Variants in LATS1 observed in about 807,000 individuals in gnomAD.
The protein encoded by LATS1 is serine/threonine-protein kinase LATS1.
LATS1 carries 25 observed loss-of-function variants against 106.6 expected under a neutral mutation model. That is an observed-to-expected ratio of 0.23 (90% CI 0.17 to 0.33). The LOEUF (loss-of-function observed/expected upper bound fraction) is 0.33. Among genes scored for constraint, LATS1 ranks in the 10% least tolerant of loss-of-function variants. LATS1 has a pLI of 1.00. For missense variants in LATS1, 1,040 were observed against 1,382.6 expected, an observed-to-expected ratio of 0.75 and a Z score of 3.93; for synonymous variants, 465 against 455.6, an observed-to-expected ratio of 1.02 and a Z score of -0.26.
intron 1 of LATS1, among the ~76,000 whole-genome samples, chr6:149,713,826 A>G (rs1784239335): frequency 6.6e-6 from 1 of 151,370 alleles, no homozygotes; most frequent in African/African-American, 2.4e-5. Flanking sequence ...TGTGTGGCTA[A>G]TTTTTGTATT....
rs780721648 is a variant in LATS1, at chr6:149,683,939, G to T, written c.1150C>A (p.Gln384Lys). Reference sequence around the variant, plus strand: ...CCTGTTTGTAAAGCAGAAGGGCTTTGTCCATTAGCTGCTGTCAGAGGATAT... The same window carrying T: ...CCTGTTTGTAAAGCAGAAGGGCTTTTTCCATTAGCTGCTGTCAGAGGATAT... ...PPYPLTAANG[Q>K]SPSALQTGGS... Residue 384 changes from glutamine to lysine, a missense_variant, in exon 4 of 8, where the codon CAA becomes AAA. Gln to Lys is a moderately conservative substitution (Grantham distance 53). This residue lies in a region of LATS1 where 624 missense variants were observed against 714.8 expected (regional missense o/e 0.87). Transcript: ENST00000543571. The T allele has an allele frequency of 1.9e-6, 3 of 1,614,068 alleles. No individual in the cohort carries two copies. The Admixed American group carries it at 5.0e-5, about 27-fold the overall frequency.
chr6:149,702,790 G>A (rs561798272), intron 1 of LATS1, among the ~76,000 whole-genome samples: 3 of 152,194 alleles, frequency 2.0e-5, no homozygotes, highest in African/African-American at 7.2e-5. Context: ...TCCTGCCTCA[G>A]CCTCCCCAAT....
Position 149,680,269 on chromosome 6 carries a change from T to C in LATS1, c.2199A>G (p.Thr733=), listed in dbSNP as rs760650043. 9 of 1,613,866 alleles carry C rather than the reference T, an allele frequency of 5.6e-6. No homozygotes were observed. In the Admixed American group the frequency reaches 6.7e-5, roughly 12 times the overall value. ...GAACATCTTTCTTTCGAAGAGTTTT[T>C]GTTGCATACAAAGCCTTAGTATCTA... ...RKVDTKALYA[T]KTLRKKDVLL... Residue 733 remains threonine (T), a synonymous_variant, in exon 5 of 8, where the codon ACA becomes ACG. Transcript: ENST00000543571.
At chr6:149,673,803 T>G (rs1781566536) in intron 7 of LATS1, among the ~76,000 whole-genome samples, 1 of 150,844 alleles carries the variant, frequency 6.6e-6, no homozygotes, top group South Asian at 2.1e-4. Context: ...GGCCTCCATA[T>G]AGCTGGGACT....
chr6:149,693,230 T>C (rs572657069), intron 3 of LATS1, among the ~76,000 whole-genome samples: 3 of 151,412 alleles, frequency 2.0e-5, no homozygotes, highest in South Asian at 4.2e-4. Flanking sequence ...TAAGCCAAGA[T>C]TGTGCCACTG....
rs765701800 is a variant in LATS1 at position 149,662,219 on chromosome 6, G to C, written c.2903C>G (p.Ser968Cys). The change falls in exon 8 of 8, where the codon TCT (serine) becomes TGT (cysteine). Residue 968 changes from serine to cysteine, a missense_variant. Transcript: ENST00000543571. ...TTTAGCTTGTGGTGGAATGTGAAGA[G>C]ATGTTTGCCAGTTGATAACCTTTAA... Reference protein sequence around the residue: ...TQMKVINWQTSLHIPPQAKLS... With the variant: ...TQMKVINWQTCLHIPPQAKLS... 3 of 1,603,740 alleles carry C rather than the reference G, an allele frequency of 1.9e-6. No individual in the cohort carries two copies. The highest frequency in any genetic ancestry group is 2.5e-6 in the Non-Finnish European group (3 of 1,176,664).
chr6:149,680,286 T>C lies in LATS1; in HGVS notation c.2182A>G (p.Lys728Glu). The change falls in exon 5 of 8, where the codon AAG becomes GAG. Residue 728 changes from lysine to glutamate, a missense_variant. Transcript: ENST00000543571. ...EVCLARKVDT[K>E]ALYATKTLRK... ...AGAGTTTTTGTTGCATACAAAGCCT[T>C]AGTATCTACTTTTCTTGCTAGACAG... 6.2e-7 allele frequency: 1 copy of C among 1,613,952 alleles called. No individual in the cohort carries two copies. The highest frequency in any genetic ancestry group is 8.5e-7 in the Non-Finnish European group (1 of 1,180,008).
chr6:149,717,974 G>A lies in LATS1; in HGVS notation c.-266C>T, dbSNP rs764735651. On this transcript the variant is annotated 5_prime_UTR_variant, in exon 1 of 8. Transcript: ENST00000543571. ...GGCAGAGCGGGGAGACGAACGGGGG[G>A]GCTGCCGCGGGCCAGCGCGGCCCGT... 2.7e-6 allele frequency: 1 copy of A among 365,220 alleles called. No homozygotes were observed. The highest frequency in any genetic ancestry group is 1.8e-5 in the South Asian group (1 of 54,548). The allele number at this position is 365,220 out of a possible 1,614,324, so 22.6% of individuals were successfully genotyped here.
rs1582854735 is a variant in LATS1 at position 149,673,977 on chromosome 6, T to C, written c.2883+2283A>G. On this transcript the variant is annotated intron_variant, in intron 7 of 7. Transcript: ENST00000543571. ...GGCATGAGCCACCACACCCGGCTAA[T>C]GTAAAACCATTTCTATATTAAATGC... Among the ~76,000 whole-genome samples the C allele has an allele frequency of 7.3e-5, 11 of 151,354 alleles. No individual in the cohort carries two copies. In the South Asian group the frequency reaches 2.3e-3, roughly 32 times the overall value.
At chr6:149,667,421 A>T (rs1328912919) in intron 7 of LATS1, among the ~76,000 whole-genome samples, 3 of 149,918 alleles carry the variant, frequency 2.0e-5, no homozygotes, top group African/African-American at 7.4e-5. Context: ...CCTGGGCAAC[A>T]AAACAAGACT....
At chr6:149,713,299 C>T (rs1257269081) in intron 1 of LATS1, among the ~76,000 whole-genome samples, 4 of 145,108 alleles carry the variant, frequency 2.8e-5, no homozygotes, top group Admixed American at 6.9e-5. Context: ...GTATTATTTT[C>T]TTTTTTTTTT....
chr6:149,710,359 C>T (rs998447869), intron 1 of LATS1, among the ~76,000 whole-genome samples: 6 of 152,164 alleles, frequency 3.9e-5, no homozygotes, highest in African/African-American at 1.4e-4. Flanking sequence ...ATTTGGGAAG[C>T]ATATTTGGCT....
At chr6:149,694,457 G>A (rs774651870) in intron 3 of LATS1, among the ~76,000 whole-genome samples, 8 of 152,152 alleles carry the variant, frequency 5.3e-5, no homozygotes, top group Non-Finnish European at 8.8e-5. Context: ...TTATAGGTGT[G>A]AGCCACTGCA....
At chr6:149,678,989 C>A (rs1022319619) in intron 5 of LATS1, among the ~76,000 whole-genome samples, 1 of 151,936 alleles carries the variant, frequency 6.6e-6, no homozygotes, top group Non-Finnish European at 1.5e-5. Context: ...ATGGAGGAAC[C>A]TCAAACAAGT....
intron 7 of LATS1, among the ~76,000 whole-genome samples, chr6:149,665,757 G>A (rs770121059): frequency 6.6e-6 from 1 of 152,152 alleles, no homozygotes; most frequent in Admixed American, 6.6e-5. Context: ...CTTTGAAACT[G>A]ACATTGAAAT....
At chr6:149,679,800 C>T (rs1781937438) in intron 5 of LATS1, 75 bp downstream of exon 5, 3 of 1,105,940 alleles carry the variant, frequency 2.7e-6, no homozygotes, top group Non-Finnish European at 2.6e-6. Flanking sequence ...AGTGATGATA[C>T]CATCTTATAT....
chr6:149,694,358 G>A (rs891468840), intron 3 of LATS1, among the ~76,000 whole-genome samples: 1 of 152,106 alleles, frequency 6.6e-6, no homozygotes, highest in African/African-American at 2.4e-5. Flanking sequence ...TTGAGACAGG[G>A]TCTGGCTCTG....
intron 1 of LATS1, among the ~76,000 whole-genome samples, chr6:149,705,484 C>A (rs1783712555): frequency 6.6e-6 from 1 of 151,748 alleles, no homozygotes; most frequent in Non-Finnish European, 1.5e-5. Context: ...TTTATAGGAT[C>A]TAGGTATTCT....
intron 7 of LATS1, among the ~76,000 whole-genome samples, chr6:149,666,623 CA>C (rs60169424): frequency 0.016 from 2,031 of 127,448 alleles, 33 homozygotes; most frequent in African/African-American, 0.048. Flanking sequence ...GACTCTGTCT[CA>C]AAAAAAAAAA....
Sources: allele counts gnomAD v4.1 joint callset (sites outside exome capture counted in the v4.1 genomes callset), GRCh38; gene constraint gnomAD v4.1.1; regional missense constraint gnomAD v4.1.1; transcripts MANE v1.5; gene names NCBI Gene and HGNC (gene_info 2026-07-23, HGNC 2026-07-21).